TBC1D19: variants seen among roughly 807,000 people sequenced by gnomAD.
The protein encoded by TBC1D19 is TBC1 domain family, member 19.
Under a neutral mutation model 89.0 loss-of-function variants are expected in TBC1D19, and 60 were observed. The observed-to-expected ratio is 0.67, with a 90% confidence interval of 0.55 to 0.84. The LOEUF (loss-of-function observed/expected upper bound fraction) is 0.84. TBC1D19 is among the 40% of genes least tolerant of loss of function. TBC1D19 has a pLI of 0.00. For synonymous variants in TBC1D19, 189 were observed against 199.7 expected (o/e 0.95, Z 0.45); for missense variants, 500 against 610.8 (o/e 0.82, Z 1.91).
chr4:26,841,917 G>A, the TBC1D19 span, among the ~76,000 whole-genome samples: 1 of 152,236 alleles, frequency 6.6e-6, no homozygotes, highest in African/African-American at 2.4e-5. Context: ...AAGATGAACA[G>A]TAAAATTCAT....
At chr4:26,623,252 T>C (rs761080731) in intron 4 of TBC1D19, among the ~76,000 whole-genome samples, 11 of 152,172 alleles carry the variant, frequency 7.2e-5, no homozygotes, top group Non-Finnish European at 1.6e-4. Flanking sequence ...CTTTCTCTCT[T>C]CTCCCAAACT....
chr4:26,715,058 A>G (rs1716497143), intron 13 of TBC1D19, among the ~76,000 whole-genome samples: 3 of 152,048 alleles, frequency 2.0e-5, no homozygotes, highest in Admixed American at 6.6e-5. Context: ...TTTCACTACC[A>G]TCTATATGTT....
chr4:26,637,393 GAC>G (rs1743200535), intron 5 of TBC1D19, 108 bp downstream of exon 5: 3 of 948,424 alleles, frequency 3.2e-6, no homozygotes, highest in Non-Finnish European at 4.6e-6. Flanking sequence ...TTTATTTAGA[GAC>G]AGAGTCTTGC....
At chr4:26,843,837 A>G in the TBC1D19 span, among the ~76,000 whole-genome samples, 1 of 152,120 alleles carries the variant, frequency 6.6e-6, no homozygotes, top group Non-Finnish European at 1.5e-5. Flanking sequence ...TTTACCCATG[A>G]CAGAAGGTGA....
the TBC1D19 span, among the ~76,000 whole-genome samples, chr4:26,819,643 A>G: frequency 0.025 from 3,827 of 152,252 alleles, 167 homozygotes; most frequent in African/African-American, 0.088. Context: ...GACCACAGTA[A>G]TCTTGTTAAC....
intron 10 of TBC1D19, among the ~76,000 whole-genome samples, chr4:26,672,478 A>C (rs1332378826): frequency 6.6e-6 from 1 of 151,966 alleles, no homozygotes; most frequent in Non-Finnish European, 1.5e-5. Context: ...TCGGCAGTAG[A>C]ATTTCATTTT....
At chr4:26,610,545 G>A (rs1017227678) in intron 1 of TBC1D19, among the ~76,000 whole-genome samples, 17 of 150,824 alleles carry the variant, frequency 1.1e-4, no homozygotes, top group Admixed American at 2.0e-4. Flanking sequence ...AGATTATTTC[G>A]TCACCCAGAT....
chr4:26,589,229 C>T (rs1226388445), intron 1 of TBC1D19, among the ~76,000 whole-genome samples: 3 of 152,030 alleles, frequency 2.0e-5, no homozygotes, highest in South Asian at 2.1e-4. Context: ...GAGCCAAGAT[C>T]GTGCCACTGC....
chr4:26,830,600 A>C, the TBC1D19 span, among the ~76,000 whole-genome samples: 1 of 152,166 alleles, frequency 6.6e-6, no homozygotes, highest in Non-Finnish European at 1.5e-5. Context: ...ACCAGATTGA[A>C]GCTTCTACAA....
chr4:26,775,088 T>C, the TBC1D19 span, among the ~76,000 whole-genome samples: 1 of 152,204 alleles, frequency 6.6e-6, no homozygotes, highest in Non-Finnish European at 1.5e-5. Flanking sequence ...AACTGGTAAA[T>C]TGCATTTTAA....
chr4:26,586,294 A>G (rs1739414496), intron 1 of TBC1D19, among the ~76,000 whole-genome samples: 1 of 151,860 alleles, frequency 6.6e-6, no homozygotes, highest in South Asian at 2.1e-4. Context: ...ACACACACAC[A>G]CAAAATTTCT....
chr4:26,823,318 G>C, the TBC1D19 span, among the ~76,000 whole-genome samples: 5 of 152,176 alleles, frequency 3.3e-5, no homozygotes, highest in African/African-American at 1.2e-4. Context: ...GGGCATTCAA[G>C]CTGAGATTTG....
the TBC1D19 span, among the ~76,000 whole-genome samples, chr4:26,776,328 A>T: frequency 6.6e-6 from 1 of 152,200 alleles, no homozygotes; most frequent in African/African-American, 2.4e-5. Flanking sequence ...AGAATACAAG[A>T]GGTGATGGGA....
At chr4:26,821,517 G>A in the TBC1D19 span, among the ~76,000 whole-genome samples, 1 of 152,200 alleles carries the variant, frequency 6.6e-6, no homozygotes, top group Admixed American at 6.5e-5. Flanking sequence ...GTGTGTTTGA[G>A]GCAGTAATTA....
intron 4 of TBC1D19, among the ~76,000 whole-genome samples, chr4:26,630,597 G>A (rs1742745957): frequency 6.6e-6 from 1 of 151,762 alleles, no homozygotes. Flanking sequence ...GAGCTAGAGT[G>A]GACCTCAAGT....
rs1243702914 is a variant in TBC1D19 at position 26,735,462 on chromosome 4, C to A, written c.1092C>A (p.Ile364=). The A allele has an allele frequency of 1.9e-6, 3 of 1,543,884 alleles. No individual in the cohort carries two copies. The highest frequency in any genetic ancestry group is 1.2e-5 in the South Asian group (1 of 82,092). Residue 364 remains isoleucine, a synonymous_variant, in exon 16 of 21, where the codon ATC becomes ATA. Transcript: ENST00000264866. ...ATACCTTTTTTTTTTTAGGTGTTAT[C>A]CCTTTTCATGGATTTTCAATGTATG... The part of the protein sequence containing the change: ...YAVFYPPNGV[I]PFHGFSMYVA...
intron 8 of TBC1D19, among the ~76,000 whole-genome samples, chr4:26,663,923 A>T (rs1711559153): frequency 6.6e-6 from 1 of 152,204 alleles, no homozygotes; most frequent in Admixed American, 6.5e-5. Context: ...TATAACTGAG[A>T]TGTATTAACT....
At chr4:26,602,989 C>G (rs1001908216) in intron 1 of TBC1D19, among the ~76,000 whole-genome samples, 3 of 152,002 alleles carry the variant, frequency 2.0e-5, no homozygotes, top group African/African-American at 7.2e-5. Context: ...AGCTCAAATG[C>G]TTTTTTCTTT....
chr4:26,626,821 T>C (rs1304212248), intron 4 of TBC1D19, among the ~76,000 whole-genome samples: 1 of 150,032 alleles, frequency 6.7e-6, no homozygotes, highest in Non-Finnish European at 1.5e-5. Context: ...TCAAATTCTT[T>C]TTTTTATTTT....
Sources: allele counts gnomAD v4.1 joint callset (sites outside exome capture counted in the v4.1 genomes callset), GRCh38; gene constraint gnomAD v4.1.1; transcripts MANE v1.5; gene names NCBI Gene and HGNC (gene_info 2026-07-23, HGNC 2026-07-21).